ADGRL3: variants seen among roughly 807,000 people sequenced by gnomAD.
ADGRL3 encodes adhesion G protein-coupled receptor L3, also known as calcium-independent alpha-latrotoxin receptor 3.
In ADGRL3, 62 loss-of-function variants were observed where a neutral mutation model predicts 153.5. The observed-to-expected ratio is 0.40, with a 90% CI of 0.33 to 0.50. ADGRL3 has a LOEUF of 0.50. Ranked by LOEUF, ADGRL3 falls within the 20% of genes least tolerant of loss-of-function variation. The pLI, the probability that ADGRL3 is intolerant of heterozygous loss-of-function variation, is 0.47. For synonymous variants in ADGRL3, 710 were observed against 672.5 expected (o/e 1.06, Z -0.86); for missense variants, 1,641 against 1,859.4 (o/e 0.88, Z 2.16).
At chr4:61,523,195 T>C (rs1466608383) in intron 4 of ADGRL3, among the ~76,000 whole-genome samples, 2 of 152,114 alleles carry the variant, frequency 1.3e-5, no homozygotes, top group Admixed American at 6.6e-5. Flanking sequence ...GTTCTAATTT[T>C]GTTACTACAT....
At chr4:61,316,300 C>T (rs1295366461) in intron 1 of ADGRL3, among the ~76,000 whole-genome samples, 1 of 152,034 alleles carries the variant, frequency 6.6e-6, no homozygotes, top group Non-Finnish European at 1.5e-5. Flanking sequence ...TAGGAAAGAC[C>T]AGTGTGGCTG....
intron 1 of ADGRL3, among the ~76,000 whole-genome samples, chr4:61,333,023 G>A (rs2095604887): frequency 6.6e-6 from 1 of 151,974 alleles, no homozygotes; most frequent in Non-Finnish European, 1.5e-5. Flanking sequence ...GGGAAATGAA[G>A]CAATGTGTGT....
At chr4:61,706,946 A>G (rs1217762971) in intron 6 of ADGRL3, among the ~76,000 whole-genome samples, 1 of 152,154 alleles carries the variant, frequency 6.6e-6, no homozygotes, top group Non-Finnish European at 1.5e-5. Flanking sequence ...ACTAAACTTA[A>G]TCATTCTAGC....
intron 6 of ADGRL3, among the ~76,000 whole-genome samples, chr4:61,685,026 C>T (rs751856510): frequency 1.3e-5 from 2 of 151,966 alleles, no homozygotes; most frequent in East Asian, 3.9e-4. Context: ...AATTCTCCCC[C>T]TCAGCCTCCC....
chr4:61,323,411 A>G (rs974381874), intron 1 of ADGRL3, among the ~76,000 whole-genome samples: 2 of 148,414 alleles, frequency 1.3e-5, no homozygotes, highest in Admixed American at 1.4e-4. Flanking sequence ...TTTTTTTTCT[A>G]TTGCATTGTC....
At chr4:61,555,907 T>C (rs902065274) in intron 4 of ADGRL3, among the ~76,000 whole-genome samples, 3 of 152,132 alleles carry the variant, frequency 2.0e-5, no homozygotes, top group African/African-American at 7.2e-5. Flanking sequence ...GTCACTCTTG[T>C]GGCTAGCTTG....
chr4:61,992,405 A>G (rs1481763607), intron 19 of ADGRL3, among the ~76,000 whole-genome samples: 1 of 152,232 alleles, frequency 6.6e-6, no homozygotes, highest in Non-Finnish European at 1.5e-5. Context: ...TTAAAGGCTG[A>G]ATGAATTGTT....
intron 3 of ADGRL3, among the ~76,000 whole-genome samples, chr4:61,511,542 A>G (rs2152874459): frequency 6.6e-6 from 1 of 152,306 alleles, no homozygotes; most frequent in East Asian, 1.9e-4. Context: ...TCTTATTTGA[A>G]TGACTACAAA....
chr4:61,394,947 C>G (rs1259371311), intron 2 of ADGRL3, among the ~76,000 whole-genome samples: 2 of 151,920 alleles, frequency 1.3e-5, no homozygotes, highest in Admixed American at 1.3e-4. Context: ...AACGAAGAAA[C>G]TAAATTTATG....
chr4:61,935,827 A>C (rs2098836046), intron 14 of ADGRL3, 96 bp from the exon 15 acceptor site: 1 of 1,055,100 alleles, frequency 9.5e-7, no homozygotes, highest in African/African-American at 1.6e-5. Flanking sequence ...TAAGAATTCC[A>C]GTATTTTGAT....
intron 6 of ADGRL3, among the ~76,000 whole-genome samples, chr4:61,713,723 A>G (rs948998765): frequency 3.3e-5 from 5 of 152,130 alleles, no homozygotes; most frequent in African/African-American, 1.2e-4. Context: ...AAAATGAACA[A>G]TGGTTTTTAT....
intron 2 of ADGRL3, among the ~76,000 whole-genome samples, chr4:61,470,311 T>C (rs1357492039): frequency 6.6e-6 from 1 of 151,930 alleles, no homozygotes; most frequent in Non-Finnish European, 1.5e-5. Flanking sequence ...CCAGGTAATA[T>C]TTTGTATTTA....
At chr4:61,692,729 C>T (rs981931056) in intron 6 of ADGRL3, among the ~76,000 whole-genome samples, 7 of 152,126 alleles carry the variant, frequency 4.6e-5, no homozygotes, top group Admixed American at 1.3e-4. Flanking sequence ...TAAGCCACCA[C>T]GCCTGGTCGT....
At chr4:61,422,398 G>A (rs1051809478) in intron 2 of ADGRL3, among the ~76,000 whole-genome samples, 2 of 152,010 alleles carry the variant, frequency 1.3e-5, no homozygotes, top group African/African-American at 4.8e-5. Flanking sequence ...CAAGATTGTG[G>A]CAAACATATG....
chr4:61,630,399 G>T (rs1301431735), intron 5 of ADGRL3, among the ~76,000 whole-genome samples: 2 of 152,170 alleles, frequency 1.3e-5, no homozygotes, highest in Non-Finnish European at 2.9e-5. Flanking sequence ...GATTGAGAAA[G>T]AAATATTTTT....
At chr4:61,275,492 A>G (rs1293136360) in intron 1 of ADGRL3, among the ~76,000 whole-genome samples, 6 of 152,320 alleles carry the variant, frequency 3.9e-5, no homozygotes, top group Admixed American at 3.3e-4. Flanking sequence ...TCTAATCAAC[A>G]TACTATCTGA....
intron 9 of ADGRL3, among the ~76,000 whole-genome samples, chr4:61,871,045 A>T (rs6825059): frequency 2.6e-5 from 4 of 152,080 alleles, no homozygotes; most frequent in Non-Finnish European, 5.9e-5. Context: ...TTGGGAGGCC[A>T]AGGCGGGCGA....
chr4:61,706,016 A>C (rs916020524), intron 6 of ADGRL3, among the ~76,000 whole-genome samples: 1 of 152,174 alleles, frequency 6.6e-6, no homozygotes, highest in African/African-American at 2.4e-5. Flanking sequence ...TTCAACTTAA[A>C]TTCAAATCTG....
intron 8 of ADGRL3, among the ~76,000 whole-genome samples, chr4:61,807,693 A>C (rs549598630): frequency 4.0e-4 from 61 of 152,220 alleles, no homozygotes; most frequent in Admixed American, 1.3e-3. Context: ...GTATTTTCTT[A>C]ATTTTTAGGT....
Sources: allele counts gnomAD v4.1 joint callset (sites outside exome capture counted in the v4.1 genomes callset), GRCh38; gene constraint gnomAD v4.1.1; transcripts MANE v1.5; gene names NCBI Gene and HGNC (gene_info 2026-07-23, HGNC 2026-07-21).